Variants in TMEM266 observed in about 807,000 individuals in gnomAD.
The protein encoded by TMEM266 is Hv1 related protein 1.
A neutral mutation model predicts 50.5 loss-of-function variants in TMEM266; 33 were observed. The ratio of observed to expected loss-of-function variants is 0.65; its 90% CI spans 0.50 to 0.87. TMEM266 has a LOEUF of 0.87. Among genes scored for constraint, TMEM266 ranks in the 40% least tolerant of loss-of-function variants. The pLI, the probability that TMEM266 is intolerant of heterozygous loss-of-function variation, is 0.00. For missense variants in TMEM266, 655 were observed against 695.1 expected (o/e 0.94, Z 0.65); for synonymous variants, 310 against 292.3 (o/e 1.06, Z -0.62).
chr15:76,197,866 C>T (rs779541158), intron 9 of TMEM266, among the ~76,000 whole-genome samples: 2 of 152,274 alleles, frequency 1.3e-5, no homozygotes, highest in Non-Finnish European at 1.5e-5. Context: ...TTTCTCTCCA[C>T]CTCTGCCTCC....
At chr15:76,156,178 T>A (rs1468245501) in intron 3 of TMEM266, among the ~76,000 whole-genome samples, 2 of 152,108 alleles carry the variant, frequency 1.3e-5, no homozygotes, top group Non-Finnish European at 1.5e-5. Context: ...CTGGCCAACA[T>A]GATGAAACCC....
At chr15:76,074,318 G>A (rs1192111263) in intron 1 of TMEM266, among the ~76,000 whole-genome samples, 2 of 151,964 alleles carry the variant, frequency 1.3e-5, no homozygotes, top group South Asian at 4.1e-4. Flanking sequence ...ATGTTTAAAT[G>A]TATGGTTCGG....
chr15:76,106,449 T>C (rs1025881423), intron 1 of TMEM266, among the ~76,000 whole-genome samples: 15 of 152,246 alleles, frequency 9.9e-5, no homozygotes, highest in Admixed American at 3.3e-4. Context: ...GGGGTTTTGG[T>C]TTTTTTAGAG....
intron 8 of TMEM266, among the ~76,000 whole-genome samples, chr15:76,188,229 C>T (rs1374230275): frequency 6.6e-6 from 1 of 152,156 alleles, no homozygotes; most frequent in Non-Finnish European, 1.5e-5. Flanking sequence ...TTAATTGAGT[C>T]ACAGTTCTGC....
intron 8 of TMEM266, among the ~76,000 whole-genome samples, chr15:76,187,068 C>A (rs13379729): frequency 0.014 from 2,136 of 152,308 alleles, 46 homozygotes; most frequent in African/African-American, 0.049. Flanking sequence ...TACCTGCAAG[C>A]TGAGAAAGGC....
intron 6 of TMEM266, among the ~76,000 whole-genome samples, chr15:76,170,726 G>A (rs2038174111): frequency 1.3e-5 from 2 of 152,194 alleles, no homozygotes; most frequent in South Asian, 4.1e-4. Flanking sequence ...CTTGAGAAGG[G>A]GCAAGACAGC....
At chr15:76,188,033 G>C (rs2038514717) in intron 8 of TMEM266, among the ~76,000 whole-genome samples, 1 of 152,142 alleles carries the variant, frequency 6.6e-6, no homozygotes, top group Non-Finnish European at 1.5e-5. Context: ...ATTTCCCCCA[G>C]GGCGTCTTGT....
chr15:76,165,897 C>T (rs2038087391), intron 5 of TMEM266, among the ~76,000 whole-genome samples: 1 of 152,194 alleles, frequency 6.6e-6, no homozygotes, highest in Non-Finnish European at 1.5e-5. Flanking sequence ...TAACCCGGGG[C>T]AGGGTCGCCT....
chr15:76,106,459 G>A (rs777114421), intron 1 of TMEM266, among the ~76,000 whole-genome samples: 2 of 152,074 alleles, frequency 1.3e-5, no homozygotes, highest in Non-Finnish European at 2.9e-5. Context: ...TTTTTTTAGA[G>A]ACACGGTCTC....
At chr15:76,189,056 C>T (rs1347275513) in intron 8 of TMEM266, among the ~76,000 whole-genome samples, 1 of 151,914 alleles carries the variant, frequency 6.6e-6, no homozygotes, top group South Asian at 2.1e-4. Context: ...AAAAATTAGC[C>T]GGGCATGTGC....
intron 1 of TMEM266, among the ~76,000 whole-genome samples, chr15:76,116,969 G>T (rs12439276): frequency 0.31 from 46,229 of 146,850 alleles, 8,455 homozygotes; most frequent in East Asian, 0.56. Context: ...GCATGATCTC[G>T]GCTCACTGCA....
chr15:76,129,494 A>G (rs528203544), intron 1 of TMEM266, among the ~76,000 whole-genome samples: 1 of 152,100 alleles, frequency 6.6e-6, no homozygotes, highest in South Asian at 2.1e-4. Context: ...ATACAAAATT[A>G]GCCGGGCGTG....
chr15:76,182,287 G>T (rs2038424686), intron 8 of TMEM266, among the ~76,000 whole-genome samples: 1 of 152,032 alleles, frequency 6.6e-6, no homozygotes. Context: ...ACATCGTGTG[G>T]ATGCCATATG....
At chr15:76,098,601 G>A (rs1025048430) in intron 1 of TMEM266, among the ~76,000 whole-genome samples, 6 of 152,110 alleles carry the variant, frequency 3.9e-5, no homozygotes, top group Admixed American at 6.5e-5. Context: ...AGCAGAGCTT[G>A]AACACTGTGC....
chr15:76,163,569 G>T (rs2038048900), intron 5 of TMEM266, among the ~76,000 whole-genome samples: 1 of 152,194 alleles, frequency 6.6e-6, no homozygotes, highest in Non-Finnish European at 1.5e-5. Context: ...TTGTGCAAAC[G>T]TTCCTCCAAA....
At chr15:76,155,484 C>T (rs2037911027) in intron 3 of TMEM266, among the ~76,000 whole-genome samples, 1 of 152,162 alleles carries the variant, frequency 6.6e-6, no homozygotes, top group African/African-American at 2.4e-5. Flanking sequence ...GCTGTGATGT[C>T]CAGGGTCATA....
intron 1 of TMEM266, among the ~76,000 whole-genome samples, chr15:76,119,210 C>G (rs1485716057): frequency 6.6e-6 from 1 of 152,010 alleles, no homozygotes. Context: ...TTCTCCTTTG[C>G]TAATGATTTT....
intron 1 of TMEM266, among the ~76,000 whole-genome samples, chr15:76,130,112 T>A (rs1285345017): frequency 1.3e-5 from 2 of 148,460 alleles, no homozygotes; most frequent in South Asian, 4.3e-4. Flanking sequence ...TCAGCTACTC[T>A]GGGGGCTGAT....
rs372466958 is a variant in TMEM266 at position 76,204,072 on chromosome 15, C to T, written c.1353C>T (p.Pro451=). Residue 451 remains proline, a synonymous_variant, in exon 11 of 11, where the codon CCC becomes CCT. Coordinates refer to ENST00000388942, the MANE Select transcript of TMEM266 (RefSeq NM_152335.3). ...TGCTGTCCTCCCTGTCGGAGGACCC[C>T]TGCCCTTCCCAGAAGGCCTTGGACC... The T allele has an allele frequency of 7.3e-5, 117 of 1,612,496 alleles. No homozygotes were observed. Among genetic ancestry groups the T allele is most frequent in the Non-Finnish European group, 9.5e-5 (112 of 1,179,472 alleles).
Sources: gnomAD v4.1 joint callset for allele counts (sites outside exome capture counted in the v4.1 genomes callset) on GRCh38, gnomAD v4.1.1 for gene constraint, MANE v1.5 for transcripts, NCBI Gene and HGNC (gene_info 2026-07-23, HGNC 2026-07-21) for gene names.